The following MAD1L1 variants were observed in gnomAD, a reference collection of about 807,000 sequenced individuals.
MAD1L1 encodes mitotic spindle assembly checkpoint protein MAD1.
In MAD1L1, 95 loss-of-function variants were observed where a neutral mutation model predicts 96.9. That is an observed-to-expected ratio of 0.98 (90% CI 0.83 to 1.16). The LOEUF (loss-of-function observed/expected upper bound fraction) is 1.16. Ranked by LOEUF, MAD1L1 falls within the 50% of genes most tolerant of loss-of-function variation. MAD1L1 has a pLI of 0.00. For missense variants in MAD1L1, 1,007 were observed against 954.4 expected (o/e 1.06, Z -0.73); for synonymous variants, 473 against 396.6 (o/e 1.19, Z -2.29).
intron 17 of MAD1L1, among the ~76,000 whole-genome samples, chr7:1,920,508 G>A (rs968502278): frequency 6.6e-5 from 10 of 152,202 alleles, no homozygotes; most frequent in African/African-American, 9.7e-5. Flanking sequence ...CCACGGGAGC[G>A]GGGGGAACCC....
intron 14 of MAD1L1, among the ~76,000 whole-genome samples, chr7:1,984,151 G>A (rs917006688): frequency 1.8e-4 from 27 of 152,144 alleles, no homozygotes; most frequent in African/African-American, 5.8e-4. Context: ...CTTTTGAATC[G>A]TACTTCTTTG....
intron 17 of MAD1L1, among the ~76,000 whole-genome samples, chr7:1,914,090 G>A (rs111273326): frequency 1.3e-5 from 2 of 152,096 alleles, no homozygotes; most frequent in African/African-American, 2.4e-5. Flanking sequence ...TCCCAGGCCC[G>A]ACCCCACAAT....
intron 17 of MAD1L1, among the ~76,000 whole-genome samples, chr7:1,929,764 G>A (rs558452384): frequency 2.8e-3 from 312 of 109,806 alleles, no homozygotes; most frequent in African/African-American, 9.6e-3. Flanking sequence ...CCACTGCCAC[G>A]TCCCCTCGCC....
chr7:1,856,384 G>A (rs1350768703), intron 18 of MAD1L1, among the ~76,000 whole-genome samples: 2 of 152,338 alleles, frequency 1.3e-5, no homozygotes, highest in Non-Finnish European at 2.9e-5. Flanking sequence ...GTCCCCACAG[G>A]CCAGCCTCTG....
intron 10 of MAD1L1, among the ~76,000 whole-genome samples, chr7:2,191,214 C>A (rs1791698921): frequency 6.6e-6 from 1 of 152,098 alleles, no homozygotes; most frequent in African/African-American, 2.4e-5. Flanking sequence ...CCAGACGAAA[C>A]AAAACCACGG....
At chr7:2,216,309 G>A in intron 7 of MAD1L1, 22 bp from the exon 8 acceptor site, 1 of 1,606,154 alleles carries the variant, frequency 6.2e-7, no homozygotes, top group Non-Finnish European at 8.5e-7. Flanking sequence ...CAGGGACAGA[G>A]AAGAAGGGAA....
At chr7:1,889,494 T>C (rs1786401944) in intron 18 of MAD1L1, among the ~76,000 whole-genome samples, 1 of 152,200 alleles carries the variant, frequency 6.6e-6, no homozygotes, top group African/African-American at 2.4e-5. Context: ...GCAGCCCAGC[T>C]GCACATCCTG....
chr7:2,154,548 A>G (rs1789732348), intron 10 of MAD1L1, among the ~76,000 whole-genome samples: 1 of 152,212 alleles, frequency 6.6e-6, no homozygotes, highest in Non-Finnish European at 1.5e-5. Context: ...CAAATACCCT[A>G]AACTTGCCCA....
intron 18 of MAD1L1, among the ~76,000 whole-genome samples, chr7:1,820,127 G>A (rs1331734374): frequency 3.9e-5 from 6 of 152,158 alleles, no homozygotes; most frequent in African/African-American, 1.4e-4. Context: ...ACCAGTCAGA[G>A]AAAGACAACA....
rs1016145055 is a variant in MAD1L1, at chr7:2,088,419, G to A, written c.1074-19081C>T. On this transcript the variant is annotated intron_variant, in intron 11 of 18. Transcript: ENST00000265854. The surrounding 1 kb of genome is among the most constrained non-coding windows in gnomAD (Gnocchi z 4.4). ...CTATTCCCACCACAGCCCCCGCCCCGCTCCGTCCCACCATGGCAGTCTGAG... is the reference window on the plus strand; with the variant it reads ...CTATTCCCACCACAGCCCCCGCCCCACTCCGTCCCACCATGGCAGTCTGAG... Among the ~76,000 whole-genome samples the A allele has an allele frequency of 1.3e-5, 2 of 151,992 alleles. No homozygotes were observed. The highest frequency in any genetic ancestry group is 2.4e-5 in the African/African-American group (1 of 41,380).
rs3800919 is a variant in MAD1L1, at chr7:2,128,608, A to T, written c.1073+20544T>A. ...CGCCACCAGAGGCTGTGTAACATGG[A>T]AGGATGAGCGGCAAAGCAGAAAACA... On this transcript the variant is annotated intron_variant, in intron 11 of 18. Transcript: ENST00000265854. Among the ~76,000 whole-genome samples the T allele has an allele frequency of 3.9e-5, 6 of 152,214 alleles. No individual in the cohort carries two copies. In the East Asian group the frequency reaches 9.6e-4, roughly 24 times the overall value.
rs376252672 is a variant in MAD1L1, at chr7:2,001,290, C to T, written c.1416+775G>A. Among the ~76,000 whole-genome samples the T allele has an allele frequency of 7.3e-4, 112 of 152,402 alleles. No individual in the cohort carries two copies. The East Asian group carries it at 8.3e-3, about 11-fold the overall frequency. ...AGGGCAGAACATGCAGACACACGCA[C>T]GCACGCATGCCCCAGGGCCGTCCTT... On this transcript the variant is annotated intron_variant, in intron 14 of 18. Coordinates refer to ENST00000265854, the MANE Select transcript of MAD1L1 (RefSeq NM_001013836.2).
At chr7:2,185,635 T>C (rs1235036399) in intron 10 of MAD1L1, among the ~76,000 whole-genome samples, 1 of 152,198 alleles carries the variant, frequency 6.6e-6, no homozygotes, top group Non-Finnish European at 1.5e-5. Context: ...TCTAGATTTT[T>C]TTTTTCCTTT....
chr7:2,178,471 G>A (rs1426081850), intron 10 of MAD1L1, among the ~76,000 whole-genome samples: 2 of 152,222 alleles, frequency 1.3e-5, no homozygotes, highest in Non-Finnish European at 2.9e-5. Context: ...CTTCCAGATG[G>A]TTAAGACCAC....
intron 16 of MAD1L1, among the ~76,000 whole-genome samples, chr7:1,938,437 C>T (rs1412867005): frequency 3.8e-4 from 58 of 152,160 alleles, no homozygotes; most frequent in Admixed American, 3.7e-3. Context: ...TACAACTGAC[C>T]TTATAGAAAT....
At chr7:2,010,695 G>C (rs940667246) in intron 13 of MAD1L1, among the ~76,000 whole-genome samples, 1 of 152,236 alleles carries the variant, frequency 6.6e-6, no homozygotes, top group Admixed American at 6.5e-5. Flanking sequence ...CTGGTGTCTG[G>C]TTTAGCTAAC....
intron 18 of MAD1L1, among the ~76,000 whole-genome samples, chr7:1,893,721 C>T (rs1195610536): frequency 6.6e-6 from 1 of 152,172 alleles, no homozygotes; most frequent in African/African-American, 2.4e-5. Flanking sequence ...CAGGGAGCAC[C>T]CAGACCACAT....
intron 11 of MAD1L1, among the ~76,000 whole-genome samples, chr7:2,072,407 G>C (rs1785175858): frequency 6.6e-6 from 1 of 152,204 alleles, no homozygotes. Flanking sequence ...TGCAGCACTG[G>C]CCAGCGGCCC....
intron 11 of MAD1L1, among the ~76,000 whole-genome samples, chr7:2,125,457 C>G (rs140634642): frequency 6.6e-6 from 1 of 152,180 alleles, no homozygotes; most frequent in South Asian, 2.1e-4. Flanking sequence ...GCCTGGTGAG[C>G]GAGCTCCACC....
Sources: gnomAD v4.1 joint callset for allele counts (sites outside exome capture counted in the v4.1 genomes callset) on GRCh38, gnomAD v4.1.1 for gene constraint, Gnocchi (gnomAD v3.1) non-coding constraint, MANE v1.5 for transcripts, NCBI Gene and HGNC (gene_info 2026-07-23, HGNC 2026-07-21) for gene names.